Variants in RABGAP1L observed in about 807,000 individuals in gnomAD.
RABGAP1L encodes rab GTPase-activating protein 1-like.
RABGAP1L carries 63 observed loss-of-function variants against 137.7 expected under a neutral mutation model. The ratio of observed to expected loss-of-function variants is 0.46; its 90% CI spans 0.37 to 0.56. The LOEUF is 0.56. Among genes scored for constraint, RABGAP1L ranks in the 20% least tolerant of loss-of-function variants. The probability of loss-of-function intolerance (pLI) is 0.00; values close to 1 mark genes in which losing one functional copy is unlikely to be tolerated. For synonymous variants in RABGAP1L, 431 were observed against 433.7 expected (o/e 0.99, Z 0.08); for missense variants, 1,095 against 1,244.0 (o/e 0.88, Z 1.80).
chr1:174,615,169 T>A (rs1250780149), intron 13 of RABGAP1L, among the ~76,000 whole-genome samples: 1 of 152,230 alleles, frequency 6.6e-6, no homozygotes, highest in African/African-American at 2.4e-5. Flanking sequence ...TTTTACAGTT[T>A]CCAGTTTTTC....
At chr1:174,389,455 T>C (rs890863244) in intron 12 of RABGAP1L, among the ~76,000 whole-genome samples, 18 of 152,110 alleles carry the variant, frequency 1.2e-4, no homozygotes, top group African/African-American at 4.3e-4. Flanking sequence ...TTTCTGCTGT[T>C]TTTGTTAGAA....
At chr1:174,605,949 C>T (rs537244732) in intron 13 of RABGAP1L, among the ~76,000 whole-genome samples, 1 of 152,242 alleles carries the variant, frequency 6.6e-6, no homozygotes, top group East Asian at 1.9e-4. Flanking sequence ...TCAGTCTTCA[C>T]CCTGAATTTG....
chr1:174,810,965 G>C (rs1689814190), intron 18 of RABGAP1L, among the ~76,000 whole-genome samples: 2 of 151,952 alleles, frequency 1.3e-5, no homozygotes, highest in African/African-American at 2.4e-5. Flanking sequence ...AGCTGGGTGT[G>C]GTGGTGTGTG....
chr1:174,972,878 A>AC (rs59102063), intron 21 of RABGAP1L, among the ~76,000 whole-genome samples: 13 of 151,016 alleles, frequency 8.6e-5, no homozygotes, highest in Non-Finnish European at 1.9e-4. Flanking sequence ...AAAAAAAAAA[A>AC]TTATGGTGAA....
At chr1:174,855,159 T>G (rs2149000010) in intron 19 of RABGAP1L, among the ~76,000 whole-genome samples, 1 of 152,302 alleles carries the variant, frequency 6.6e-6, no homozygotes, top group Admixed American at 6.5e-5. Flanking sequence ...TGATTTTATA[T>G]TAAGTGTAGG....
intron 17 of RABGAP1L, among the ~76,000 whole-genome samples, chr1:174,716,086 A>G (rs1680979058): frequency 6.6e-6 from 1 of 152,234 alleles, no homozygotes; most frequent in African/African-American, 2.4e-5. Flanking sequence ...TACATTGTAA[A>G]TGGTATGTGA....
chr1:174,744,504 T>C (rs1283659600), intron 17 of RABGAP1L, among the ~76,000 whole-genome samples: 1 of 152,138 alleles, frequency 6.6e-6, no homozygotes, highest in Non-Finnish European at 1.5e-5. Flanking sequence ...GAAAACTGAG[T>C]GGCTTTAAAA....
chr1:174,599,894 T>C (rs1483646298), intron 13 of RABGAP1L, among the ~76,000 whole-genome samples: 1 of 152,186 alleles, frequency 6.6e-6, no homozygotes, highest in Non-Finnish European at 1.5e-5. Context: ...TTTTCTGTTA[T>C]TATCTCTTTG....
intron 18 of RABGAP1L, among the ~76,000 whole-genome samples, chr1:174,759,699 G>A (rs1685069162): frequency 6.6e-6 from 1 of 152,168 alleles, no homozygotes; most frequent in African/African-American, 2.4e-5. Flanking sequence ...GCCTCAGGAA[G>A]CTTACAATCA....
chr1:174,162,693 G>A (rs977002130), intron 1 of RABGAP1L, among the ~76,000 whole-genome samples: 2 of 149,062 alleles, frequency 1.3e-5, no homozygotes, highest in African/African-American at 4.9e-5. Flanking sequence ...TATATAAATG[G>A]GTCAGCCGTT....
intron 24 of RABGAP1L, among the ~76,000 whole-genome samples, chr1:174,987,391 T>C (rs1671685458): frequency 6.6e-6 from 1 of 152,178 alleles, no homozygotes; most frequent in South Asian, 2.1e-4. Flanking sequence ...GGTCTCGCTC[T>C]CTTGACCTCG....
At chr1:174,752,712 T>G (rs1388688858) in intron 18 of RABGAP1L, among the ~76,000 whole-genome samples, 1 of 152,198 alleles carries the variant, frequency 6.6e-6, no homozygotes, top group Non-Finnish European at 1.5e-5. Context: ...CTATAACATC[T>G]CTGGAGGTAC....
intron 13 of RABGAP1L, among the ~76,000 whole-genome samples, chr1:174,426,749 G>C (rs543333865): frequency 1.1e-4 from 17 of 152,108 alleles, no homozygotes; most frequent in Admixed American, 7.9e-4. Context: ...AGTACATTTA[G>C]ATCCTATGAG....
chr1:174,785,298 A>G (rs12128866), intron 18 of RABGAP1L, among the ~76,000 whole-genome samples: 4,483 of 152,280 alleles, frequency 0.029, 111 homozygotes, highest in Middle Eastern at 0.092. Flanking sequence ...TCCTGACCTC[A>G]GATGATCCAC....
intron 1 of RABGAP1L, among the ~76,000 whole-genome samples, chr1:174,187,983 G>A (rs1344536596): frequency 2.0e-5 from 3 of 152,094 alleles, no homozygotes; most frequent in Non-Finnish European, 2.9e-5. Flanking sequence ...TTAATAAGGT[G>A]TGCTGGGATA....
rs185961312 is a variant in RABGAP1L at position 174,754,257 on chromosome 1, T to C, written c.2211+1903T>C. Among the ~76,000 whole-genome samples, 277 of 152,292 alleles carry C rather than the reference T, an allele frequency of 1.8e-3. 2 individuals carry two copies. Among genetic ancestry groups the C allele is most frequent in the African/African-American group, 5.2e-3 (216 of 41,554 alleles). ...GCCCTATATTTATGTAACTTCCTTA[T>C]ATGAATCCTGAAGCTGACCCCCCCA... On this transcript the variant is annotated intron_variant, in intron 18 of 25. Coordinates refer to ENST00000681986, the MANE Select transcript of RABGAP1L (RefSeq NM_001366446.1).
rs748971722 is a variant in RABGAP1L at position 174,892,896 on chromosome 1, ATTTTTTTTTTTTTT to A, written c.2341-64549_2341-64536del. Among the ~76,000 whole-genome samples, 8 of 91,862 alleles carry A rather than the reference ATTTTTTTTTTTTTT, an allele frequency of 8.7e-5. No homozygotes were observed. In the Admixed American group the frequency reaches 1.1e-3, roughly 13 times the overall value. 60.3% of individuals were successfully genotyped at this position (91,862 alleles called of 152,430 possible). A position where few individuals can be genotyped will look rare whatever the true frequency, so the allele number is the denominator to read the frequency against. ...AGGCGCCCGCCACCTCACCCAGCTA[ATTTTTTTTTTTTTT>A]TTTTTTTTTTTGTATTTTTAGTAGA... is the stretch of plus-strand genomic sequence containing the variant. On this transcript the variant is annotated intron_variant, in intron 19 of 25. Transcript: ENST00000681986.
intron 18 of RABGAP1L, among the ~76,000 whole-genome samples, chr1:174,787,847 G>T: frequency 6.6e-6 from 1 of 152,154 alleles, no homozygotes; most frequent in African/African-American, 2.4e-5. Context: ...CAACAATAGG[G>T]GTGTAGAGGG....
At chr1:174,438,727 A>C (rs1333710802) in intron 13 of RABGAP1L, among the ~76,000 whole-genome samples, 4 of 111,182 alleles carry the variant, frequency 3.6e-5, no homozygotes, top group South Asian at 5.4e-4. Flanking sequence ...AAAAAAACCC[A>C]AAAAAAGTGT....
Sources: allele counts gnomAD v4.1 joint callset (sites outside exome capture counted in the v4.1 genomes callset), GRCh38; gene constraint gnomAD v4.1.1; transcripts MANE v1.5; gene names NCBI Gene and HGNC (gene_info 2026-07-23, HGNC 2026-07-21).